COQ9: variants seen among roughly 807,000 people sequenced by gnomAD.
COQ9 encodes coenzyme Q9, also known as ubiquinone biosynthesis protein COQ9, mitochondrial.
In COQ9, 35 loss-of-function variants were observed where a neutral mutation model predicts 42.4. That is an observed-to-expected ratio of 0.83 (90% CI 0.63 to 1.10). The LOEUF is 1.10. Among genes scored for constraint, COQ9 ranks in the 50% least tolerant of loss-of-function variants. The pLI, the probability that COQ9 is intolerant of heterozygous loss-of-function variation, is 0.00. For missense variants in COQ9, 406 were observed against 414.6 expected (o/e 0.98, Z 0.18); for synonymous variants, 155 against 155.1 (o/e 1.00, Z 0.00).
chr16:57,450,954 T>A (rs568039609), intron 1 of COQ9, 86 bp from the exon 2 acceptor site: 17 of 1,470,170 alleles, frequency 1.2e-5, no homozygotes, highest in Admixed American at 7.4e-5. Context: ...CTGGCCTGCT[T>A]TTCCTCCTCC....
intron 1 of COQ9, among the ~76,000 whole-genome samples, chr16:57,448,885 C>T (rs182842332): frequency 3.7e-4 from 56 of 152,158 alleles, no homozygotes; most frequent in Admixed American, 6.5e-4. Flanking sequence ...GTCCAGTTGT[C>T]TAGCAACAGA....
In COQ9 at chr16:57,460,713, C is replaced by T. The variant is rs1468232383; in HGVS notation, c.*89C>T. On this transcript the variant is annotated 3_prime_UTR_variant, in exon 9 of 9. Transcript: ENST00000262507. Reference sequence around the variant, plus strand: ...AAAGTATAAGGTGCCATCCACATAACCTGGTGTTCACGAGAACACACTAAA... The same window carrying T: ...AAAGTATAAGGTGCCATCCACATAATCTGGTGTTCACGAGAACACACTAAA... 1.5e-6 allele frequency: 2 copies of T among 1,294,792 alleles called. No homozygotes were observed. The highest frequency in any genetic ancestry group is 2.2e-6 in the Non-Finnish European group (2 of 896,500). The allele number at this position is 1,294,792 out of a possible 1,614,324, so 80.2% of individuals were successfully genotyped here. A position where few individuals can be genotyped will look rare whatever the true frequency, so the allele number is the denominator to read the frequency against.
intron 5 of COQ9, chr16:57,457,412 C>T (rs189870201): frequency 4.4e-5 from 15 of 342,622 alleles, no homozygotes; most frequent in Non-Finnish European, 8.0e-5. Flanking sequence ...TGGGATTTGT[C>T]AATTGTCAAT....
intron 3 of COQ9, chr16:57,453,428 C>T: frequency 3.8e-6 from 1 of 263,046 alleles, no homozygotes; most frequent in Non-Finnish European, 7.5e-6. Flanking sequence ...CCCAGAAACT[C>T]TAATAGCATT....
chr16:57,457,237 G>A (rs1211695507), intron 5 of COQ9: 7 of 630,610 alleles, frequency 1.1e-5, no homozygotes, highest in Non-Finnish European at 5.9e-6. Flanking sequence ...AATGTGAGTG[G>A]TCCGGGTACT....
chr16:57,459,618 G>A lies in COQ9; in HGVS notation c.765G>A (p.Glu255=). ...AMLAAIYNTT[E]LVMMQDSSPD... Reference sequence around the variant, plus strand: ...TGGCTGCCATCTACAACACAACAGAGCTGGTGATGATGCAGGACTCCTCTC... The same window carrying A: ...TGGCTGCCATCTACAACACAACAGAACTGGTGATGATGCAGGACTCCTCTC... Residue 255 remains glutamate (E), a synonymous_variant, in exon 7 of 9, where the codon GAG becomes GAA. Coordinates refer to ENST00000262507, the MANE Select transcript of COQ9 (RefSeq NM_020312.4). 6.2e-7 allele frequency: 1 copy of A among 1,614,172 alleles called. No individual in the cohort carries two copies.
intron 4 of COQ9, 87 bp downstream of exon 4, chr16:57,456,733 A>C (rs1452070838): frequency 1.3e-6 from 2 of 1,514,140 alleles, no homozygotes; most frequent in East Asian, 2.4e-5. Flanking sequence ...GGCCAATCCA[A>C]GCAGAACCCA....
At chr16:57,453,079 A>C in intron 3 of COQ9, 143 bp downstream of exon 3, 3 of 1,042,400 alleles carry the variant, frequency 2.9e-6, no homozygotes, top group Non-Finnish European at 2.9e-6. Flanking sequence ...TTTTCCCCCA[A>C]TAGGGTGGAA....
intron 8 of COQ9, 76 bp downstream of exon 8, chr16:57,460,180 C>T: frequency 1.4e-6 from 2 of 1,427,582 alleles, no homozygotes; most frequent in Non-Finnish European, 2.0e-6. Context: ...ACTGACTTCA[C>T]ATCATTTTGT....
intron 8 of COQ9, 148 bp downstream of exon 8, chr16:57,460,252 T>C: frequency 1.1e-6 from 1 of 907,390 alleles, no homozygotes; most frequent in South Asian, 1.4e-5. Flanking sequence ...CCTAGTGTCT[T>C]GATTCCAAAA....
intron 3 of COQ9, chr16:57,453,430 A>C: frequency 3.8e-6 from 1 of 263,002 alleles, no homozygotes; most frequent in Non-Finnish European, 7.5e-6. Context: ...CAGAAACTCT[A>C]ATAGCATTTT....
intron 2 of COQ9, 35 bp from the exon 3 acceptor site, chr16:57,452,766 G>A: frequency 1.2e-6 from 2 of 1,612,430 alleles, no homozygotes; most frequent in Non-Finnish European, 1.7e-6. Flanking sequence ...CATGCCAGGA[G>A]ATGAAGTATG....
At chr16:57,456,481 G>A in intron 3 of COQ9, 23 bp from the exon 4 acceptor site, 2 of 1,613,970 alleles carry the variant, frequency 1.2e-6, no homozygotes, top group East Asian at 4.5e-5. Flanking sequence ...CCGCTTTTCT[G>A]TTTTCTGTCT....
chr16:57,454,983 C>T (rs2030369425), intron 3 of COQ9, among the ~76,000 whole-genome samples: 1 of 152,162 alleles, frequency 6.6e-6, no homozygotes, highest in African/African-American at 2.4e-5. Flanking sequence ...TTAAATTTGG[C>T]ATTTCAAAAT....
In COQ9 at chr16:57,447,554, C is replaced by A. The variant is rs748806133; in HGVS notation, c.49C>A (p.Leu17Ile). Residue 17 changes from leucine to isoleucine, a missense_variant, in exon 1 of 9, where the codon CTC becomes ATC. Physicochemically the swap from Leu to Ile is conservative, Grantham distance 5. Coordinates refer to ENST00000262507, the MANE Select transcript of COQ9 (RefSeq NM_020312.4). ...SGALGRAGWR[L>I]LQLRCLPVAR... ...TGCGCTTGGCCGGGCGGGCTGGAGG[C>A]TCCTGCAGCTGCGATGCCTGCCCGG... 1.5e-6 allele frequency: 2 copies of A among 1,297,012 alleles called. No individual in the cohort carries two copies. Among genetic ancestry groups the A allele is most frequent in the Non-Finnish European group, 9.8e-7 (1 of 1,017,250 alleles). 80.3% of individuals were successfully genotyped at this position (1,297,012 alleles called of 1,614,324 possible). A position where few individuals can be genotyped will look rare whatever the true frequency, so the allele number is the denominator to read the frequency against.
At position 57,459,529 on chromosome 16, in the gene COQ9, C is replaced by T. The variant is rs1281762759; in HGVS notation, c.712-36C>T. The T allele has an allele frequency of 3.1e-6, 5 of 1,612,978 alleles. No homozygotes were observed. In the African/African-American group the frequency reaches 6.7e-5, roughly 22 times the overall value. ...TTGGGTAGGAACTGCCTCAGACTTG[C>T]ACCAGCCCACAGCGGTAGTGTGGGT... On this transcript the variant is annotated intron_variant, in intron 6 of 8. Transcript: ENST00000262507.
At chr16:57,456,874 A>C in intron 4 of COQ9, 57 bp from the exon 5 acceptor site, 2 of 1,483,114 alleles carry the variant, frequency 1.3e-6, no homozygotes, top group Non-Finnish European at 1.9e-6. Flanking sequence ...TAAACCGTGG[A>C]GCACTGAGCC....
rs186111931 is a variant in COQ9 at position 57,450,185 on chromosome 16, C to T, written c.74-855C>T. Among the ~76,000 whole-genome samples the T allele has an allele frequency of 7.5e-4, 114 of 152,180 alleles. 1 individual carries two copies. Among genetic ancestry groups the T allele is most frequent in the Middle Eastern group, 6.8e-3 (2 of 294 alleles). Reference sequence around the variant, plus strand: ...ATCCTAGCACTTTGGGAGGCCAAGACGGGCGATCACTTGAGGTCAGGAGTT... The same window carrying T: ...ATCCTAGCACTTTGGGAGGCCAAGATGGGCGATCACTTGAGGTCAGGAGTT... On this transcript the variant is annotated intron_variant, in intron 1 of 8. Transcript: ENST00000262507.
chr16:57,459,692 C>T lies in COQ9; in HGVS notation c.839C>T (p.Ala280Val). 4 of 1,614,180 alleles carry T rather than the reference C, an allele frequency of 2.5e-6. No individual in the cohort carries two copies. Among genetic ancestry groups the T allele is most frequent in the Non-Finnish European group, 3.4e-6 (4 of 1,180,026 alleles). ...WRFLENRVND[A>V]MNMGHTAKQV... is the part of the protein sequence containing the mutation. ...TTCCTGGAAAACCGGGTTAATGATG[C>T]AATGAACATGGGCCACACTGCCAAG... The change falls in exon 7 of 9, where the codon GCA becomes GTA. Residue 280 changes from alanine to valine, a missense_variant. Coordinates refer to ENST00000262507, the MANE Select transcript of COQ9 (RefSeq NM_020312.4).
Sources: gnomAD v4.1 joint callset for allele counts (sites outside exome capture counted in the v4.1 genomes callset) on GRCh38, gnomAD v4.1.1 for gene constraint, MANE v1.5 for transcripts, NCBI Gene and HGNC (gene_info 2026-07-23, HGNC 2026-07-21) for gene names.